PACRGL: variants seen among roughly 807,000 people sequenced by gnomAD.
The protein encoded by PACRGL is PACRG-like protein.
Under a neutral mutation model 34.5 loss-of-function variants are expected in PACRGL, and 38 were observed. That is an observed-to-expected ratio of 1.10 (90% CI 0.85 to 1.44). The LOEUF (loss-of-function observed/expected upper bound fraction) is 1.44, where lower values mean the gene tolerates loss of function less well. Among genes scored for constraint, PACRGL ranks in the 40% most tolerant of loss-of-function variants. The pLI, the probability that PACRGL is intolerant of heterozygous loss-of-function variation, is 0.00. For missense variants in PACRGL, 305 were observed against 281.4 expected (o/e 1.08, Z -0.60); for synonymous variants, 128 against 100.1 (o/e 1.28, Z -1.66).
intron 7 of PACRGL, among the ~76,000 whole-genome samples, chr4:20,723,772 G>T (rs1426520790): frequency 6.6e-6 from 1 of 152,006 alleles, no homozygotes; most frequent in Non-Finnish European, 1.5e-5. Context: ...TTCCTGGGCT[G>T]CCAGCACTTT....
the PACRGL span, among the ~76,000 whole-genome samples, chr4:20,760,444 T>A: frequency 2.0e-4 from 30 of 152,314 alleles, no homozygotes; most frequent in South Asian, 2.3e-3. Flanking sequence ...AAACTTACTT[T>A]CTTTATTCCA....
intron 8 of PACRGL, among the ~76,000 whole-genome samples, chr4:20,740,978 C>T (rs1169968907): frequency 6.6e-6 from 1 of 152,110 alleles, no homozygotes; most frequent in African/African-American, 2.4e-5. Context: ...ACAAAGAAGG[C>T]TATTACATAA....
chr4:20,754,159 G>A (rs984454840), downstream of PACRGL, among the ~76,000 whole-genome samples: 6 of 152,214 alleles, frequency 3.9e-5, no homozygotes, highest in African/African-American at 1.2e-4. Context: ...TTGCCTTACA[G>A]TAGGCATACT....
Position 20,743,788 on chromosome 4 carries a change from G to A in PACRGL, c.*57-8777G>A, listed in dbSNP as rs182711983. Reference sequence around the variant, plus strand: ...GACAAATGGGATCTAATTAAACTAAGGAACTTCTGCACAGCAAAAGAAACT... The same window carrying A: ...GACAAATGGGATCTAATTAAACTAAAGAACTTCTGCACAGCAAAAGAAACT... On this transcript the variant is annotated intron_variant, in intron 8 of 8. Transcript: ENST00000507634. Among the ~76,000 whole-genome samples, 356 of 152,114 alleles carry A rather than the reference G, an allele frequency of 2.3e-3. 8 individuals are homozygous for A. In the South Asian group the frequency reaches 0.046, roughly 20 times the overall value.
chr4:20,719,217 C>G (rs1741752124), intron 7 of PACRGL, among the ~76,000 whole-genome samples: 1 of 151,978 alleles, frequency 6.6e-6, no homozygotes, highest in Non-Finnish European at 1.5e-5. Flanking sequence ...TGATTCTTCT[C>G]TCTTTACTTT....
intron 7 of PACRGL, among the ~76,000 whole-genome samples, chr4:20,721,906 A>G (rs1389103486): frequency 1.3e-5 from 2 of 152,200 alleles, no homozygotes; most frequent in Non-Finnish European, 2.9e-5. Flanking sequence ...TTGTTTGGCT[A>G]TGCCCTGCCC....
intron 7 of PACRGL, among the ~76,000 whole-genome samples, chr4:20,721,923 G>A (rs1350412591): frequency 6.6e-6 from 1 of 152,210 alleles, no homozygotes; most frequent in African/African-American, 2.4e-5. Flanking sequence ...GCCCCCAGAG[G>A]TGGAGTCTAC....
chr4:20,748,457 C>T (rs1752838547), intron 8 of PACRGL, among the ~76,000 whole-genome samples: 1 of 151,470 alleles, frequency 6.6e-6, no homozygotes, highest in South Asian at 2.1e-4. Flanking sequence ...TTGCTGGCCT[C>T]ATTCATCATC....
At chr4:20,696,447 A>G (rs975140466), upstream of PACRGL, 2 of 152,248 alleles carry the variant, frequency 1.3e-5, no homozygotes, top group Non-Finnish European at 2.9e-5. Context: ...AGCAGATGAC[A>G]ACAGAGGACC....
At chr4:20,745,326 A>G (rs148288724) in intron 8 of PACRGL, among the ~76,000 whole-genome samples, 8 of 152,270 alleles carry the variant, frequency 5.3e-5, no homozygotes, top group African/African-American at 1.9e-4. Context: ...TCCTGAAACA[A>G]TTTACATTAA....
chr4:20,758,674 TA>T, the PACRGL span: 1 of 630,200 alleles, frequency 1.6e-6, no homozygotes, highest in Non-Finnish European at 2.7e-6. Flanking sequence ...TATGGTACAT[TA>T]AAAATTATAT....
At chr4:20,766,590 A>G in the PACRGL span, among the ~76,000 whole-genome samples, 1 of 152,110 alleles carries the variant, frequency 6.6e-6, no homozygotes, top group Non-Finnish European at 1.5e-5. Flanking sequence ...ACAAACAAAC[A>G]TAAAGCAACT....
chr4:20,709,889 C>T (rs1736309576), intron 5 of PACRGL, 116 bp downstream of exon 5: 1 of 756,852 alleles, frequency 1.3e-6, no homozygotes, highest in Non-Finnish European at 2.2e-6. Flanking sequence ...ACGAAGCACA[C>T]AATAGGCATT....
At chr4:20,766,288 G>T in the PACRGL span, among the ~76,000 whole-genome samples, 1 of 152,118 alleles carries the variant, frequency 6.6e-6, no homozygotes, top group African/African-American at 2.4e-5. Flanking sequence ...AACTTTAGAG[G>T]CCAGGCACGG....
chr4:20,709,979 G>T (rs1736361849), intron 5 of PACRGL: 1 of 475,568 alleles, frequency 2.1e-6, no homozygotes, highest in Admixed American at 3.8e-5. Flanking sequence ...TATAAACATG[G>T]AATTAGTCTG....
At chr4:20,749,625 A>G in intron 8 of PACRGL, 1 of 1,429,720 alleles carries the variant, frequency 7.0e-7, no homozygotes, top group Non-Finnish European at 9.8e-7. Flanking sequence ...ACTAAACTCT[A>G]AATAGTCAAA....
intron 5 of PACRGL, among the ~76,000 whole-genome samples, chr4:20,710,970 T>C (rs983275888): frequency 1.3e-5 from 2 of 152,122 alleles, no homozygotes; most frequent in African/African-American, 4.8e-5. Context: ...GGAGGATCAC[T>C]TGAGCCCAGG....
chr4:20,697,059 A>G (rs1268350092), upstream of PACRGL, among the ~76,000 whole-genome samples: 1 of 152,204 alleles, frequency 6.6e-6, no homozygotes, highest in East Asian at 1.9e-4. Flanking sequence ...TTTCTATTGG[A>G]CAATGCTACC....
intron 5 of PACRGL, among the ~76,000 whole-genome samples, chr4:20,710,045 T>C (rs1736405436): frequency 1.3e-5 from 2 of 152,128 alleles, no homozygotes; most frequent in Admixed American, 6.5e-5. Context: ...AAAAAAAATA[T>C]GTGGACTCAT....
Sources: allele counts gnomAD v4.1 joint callset (sites outside exome capture counted in the v4.1 genomes callset), GRCh38; gene constraint gnomAD v4.1.1; transcripts MANE v1.5; gene names NCBI Gene and HGNC (gene_info 2026-07-23, HGNC 2026-07-21).